PCBP3: variants seen among roughly 807,000 people sequenced by gnomAD.
PCBP3 encodes the protein poly(rC) binding protein 3.
In PCBP3, 25 loss-of-function variants were observed where a neutral mutation model predicts 52.7. The ratio of observed to expected loss-of-function variants is 0.47; its 90% CI spans 0.35 to 0.66. PCBP3 has a LOEUF of 0.66. Ranked by LOEUF, PCBP3 falls within the 30% of genes least tolerant of loss-of-function variation. The pLI is 0.01. For synonymous variants in PCBP3, 162 were observed against 183.0 expected (o/e 0.89, Z 0.93); for missense variants, 391 against 490.3 (o/e 0.80, Z 1.91).
chr21:45,911,148 G>T (rs1325962753), intron 11 of PCBP3, 118 bp downstream of exon 11: 2 of 1,223,984 alleles, frequency 1.6e-6, no homozygotes, highest in Non-Finnish European at 2.4e-6. Flanking sequence ...GGGCTGTGGG[G>T]GGCTCCTGAC....
Position 45,735,418 on chromosome 21 carries a change from A to C in PCBP3, c.-173A>C, listed in dbSNP as rs1805617047. ...ACTGTCTACAAGAGAGAAGCTCCCC[A>C]CGTGGTTCCGTGTAAGTAGTGCTTC... is the stretch of plus-strand genomic sequence containing the variant. On this transcript the variant is annotated 5_prime_UTR_variant, in exon 3 of 18. Coordinates refer to ENST00000681687, the MANE Select transcript of PCBP3 (RefSeq NM_001384156.1). This position sits in a 1 kb window ranked among gnomAD's most constrained non-coding sequence, Gnocchi z 4.0. The C allele has an allele frequency of 6.6e-6, 1 of 152,098 alleles. No individual in the cohort carries two copies. The highest frequency in any genetic ancestry group is 1.5e-5 in the Non-Finnish European group (1 of 68,016). 9.4% of individuals were successfully genotyped at this position (152,098 alleles called of 1,614,324 possible). A position where few individuals can be genotyped will look rare whatever the true frequency, so the allele number is the denominator to read the frequency against.
intron 5 of PCBP3, among the ~76,000 whole-genome samples, chr21:45,887,147 AG>A (rs1249709338): frequency 1.3e-5 from 2 of 152,218 alleles, no homozygotes; most frequent in Non-Finnish European, 2.9e-5. Context: ...GAGAAAGCCC[AG>A]GGGTTCACCA....
At chr21:45,941,366 TG>T (rs2077451100) in intron 17 of PCBP3, among the ~76,000 whole-genome samples, 1 of 152,094 alleles carries the variant, frequency 6.6e-6, no homozygotes, top group Admixed American at 6.5e-5. Context: ...GGTGTGAGGC[TG>T]GGAAGGCCCT....
chr21:45,779,982 T>C (rs1226387967), intron 4 of PCBP3, among the ~76,000 whole-genome samples: 10 of 152,200 alleles, frequency 6.6e-5, no homozygotes, highest in Non-Finnish European at 1.5e-4. Context: ...CGTGGCCAAT[T>C]AATTTTCAAC....
chr21:45,933,750 C>T (rs979091954), intron 15 of PCBP3, among the ~76,000 whole-genome samples: 1 of 152,108 alleles, frequency 6.6e-6, no homozygotes, highest in Admixed American at 6.5e-5. Context: ...GACGGTCCCA[C>T]AGGACCACGT....
At chr21:45,908,936 C>T (rs534422687) in intron 9 of PCBP3, among the ~76,000 whole-genome samples, 4 of 152,274 alleles carry the variant, frequency 2.6e-5, no homozygotes, top group African/African-American at 4.8e-5. Flanking sequence ...CACACCCAGT[C>T]GTGGCCTGTC....
chr21:45,941,170 C>T (rs886622503), intron 17 of PCBP3, among the ~76,000 whole-genome samples: 5 of 152,154 alleles, frequency 3.3e-5, no homozygotes, highest in Non-Finnish European at 7.4e-5. Context: ...GGCCCATGGG[C>T]AGGAGGCTGG....
intron 15 of PCBP3, among the ~76,000 whole-genome samples, chr21:45,934,011 C>CA (rs1390147120): frequency 2.6e-5 from 4 of 152,116 alleles, no homozygotes; most frequent in Middle Eastern, 3.2e-3. Context: ...TGGGAGTCTC[C>CA]AACCATTGGA....
chr21:45,685,829 TAACC>T (rs1407841979), intron 2 of PCBP3, among the ~76,000 whole-genome samples: 1 of 149,192 alleles, frequency 6.7e-6, no homozygotes, highest in Non-Finnish European at 1.5e-5. Flanking sequence ...TGCCAAACAC[TAACC>T]AATAACCAAC....
chr21:45,910,560 C>A (rs1182260917), intron 10 of PCBP3, among the ~76,000 whole-genome samples: 1 of 152,212 alleles, frequency 6.6e-6, no homozygotes, highest in Admixed American at 6.5e-5. Flanking sequence ...CCAGAGTCCA[C>A]CTTTCTCTGT....
chr21:45,868,661 C>T (rs2094864136), intron 5 of PCBP3, among the ~76,000 whole-genome samples: 1 of 152,222 alleles, frequency 6.6e-6, no homozygotes, highest in Admixed American at 6.5e-5. Context: ...CTGGGCCCGC[C>T]TCCTGGCCAG....
intron 4 of PCBP3, among the ~76,000 whole-genome samples, chr21:45,775,029 T>G (rs926495860): frequency 6.6e-6 from 1 of 152,190 alleles, no homozygotes; most frequent in South Asian, 2.1e-4. Context: ...CCTTGTAGAA[T>G]GAATTAGGAA....
chr21:45,930,674 A>C, intron 14 of PCBP3, 112 bp from the exon 15 acceptor site: 4 of 597,098 alleles, frequency 6.7e-6, no homozygotes, highest in Non-Finnish European at 3.1e-6. Flanking sequence ...GGCTGTGGCC[A>C]GAGAGAGCGC....
chr21:45,941,526 G>C (rs2149626142), intron 17 of PCBP3, 144 bp from the exon 18 acceptor site: 1 of 634,296 alleles, frequency 1.6e-6, no homozygotes, highest in East Asian at 3.0e-5. Flanking sequence ...GCTCTGCTGT[G>C]GTCTCCAGCT....
At position 45,896,228 on chromosome 21, in the gene PCBP3, T is replaced by C. The variant is rs1006440355; in HGVS notation, c.31T>C (p.Ser11Pro). The C allele has an allele frequency of 3.2e-6, 5 of 1,551,882 alleles. No homozygotes were observed. The highest frequency in any genetic ancestry group is 4.4e-6 in the Non-Finnish European group (5 of 1,147,110). Residue 11 changes from serine (S) to proline (P), a missense_variant, in exon 6 of 18, where the codon TCT (serine) becomes CCT (proline). By Grantham distance (74) the Ser-to-Pro change is moderately conservative. Coordinates refer to ENST00000681687, the MANE Select transcript of PCBP3 (RefSeq NM_001384156.1). MGEGDAFWAPSVLPHSTLSTL... is the reference protein window; with the variant it reads MGEGDAFWAPPVLPHSTLSTL... ...TCCAGGTGACGCCTTCTGGGCCCCATCTGTCCTTCCTCACAGCACCCTCAG... is the reference window on the plus strand; with the variant it reads ...TCCAGGTGACGCCTTCTGGGCCCCACCTGTCCTTCCTCACAGCACCCTCAG...
At chr21:45,900,243 G>C (rs755242672) in intron 7 of PCBP3, among the ~76,000 whole-genome samples, 2 of 152,250 alleles carry the variant, frequency 1.3e-5, no homozygotes, top group African/African-American at 2.4e-5. Flanking sequence ...GGCTGAGCCA[G>C]AGTGTAGCCG....
intron 4 of PCBP3, among the ~76,000 whole-genome samples, chr21:45,758,624 T>C (rs1041395525): frequency 6.6e-6 from 1 of 152,218 alleles, no homozygotes; most frequent in African/African-American, 2.4e-5. Flanking sequence ...GTGTATATAA[T>C]AAATATAACT....
At chr21:45,834,399 G>A (rs554393207) in intron 4 of PCBP3, among the ~76,000 whole-genome samples, 3 of 152,218 alleles carry the variant, frequency 2.0e-5, no homozygotes, top group Non-Finnish European at 4.4e-5. Flanking sequence ...TAGCTAGGAT[G>A]TCCATTTCCA....
chr21:45,655,883 C>T (rs151213285), intron 1 of PCBP3, among the ~76,000 whole-genome samples: 4 of 152,110 alleles, frequency 2.6e-5, no homozygotes, highest in African/African-American at 9.6e-5. Context: ...CCAACAGACA[C>T]ATGAAAAAAT....
Sources: allele counts gnomAD v4.1 joint callset (sites outside exome capture counted in the v4.1 genomes callset), GRCh38; gene constraint gnomAD v4.1.1; non-coding constraint Gnocchi (gnomAD v3.1); transcripts MANE v1.5; gene names NCBI Gene and HGNC (gene_info 2026-07-23, HGNC 2026-07-21).